The following UCN3 variants were observed in gnomAD, a reference collection of about 807,000 sequenced individuals.
The protein encoded by UCN3 is urocortin-3.
Under a neutral mutation model 3.6 loss-of-function variants are expected in UCN3, and 3 were observed. The ratio of observed to expected loss-of-function variants is 0.83; its 90% confidence interval spans 0.38 to 2.15. The LOEUF (loss-of-function observed/expected upper bound fraction) is 2.15. UCN3 is among the 30% of genes most tolerant of loss of function. The probability of loss-of-function intolerance (pLI) is 0.06; values close to 1 mark genes in which losing one functional copy is unlikely to be tolerated. For synonymous variants in UCN3, 100 were observed against 93.2 expected, an observed-to-expected ratio of 1.07 and a Z score of -0.42; for missense variants, 206 against 208.3, an observed-to-expected ratio of 0.99 and a Z score of 0.07.
In UCN3 at chr10:5,370,397, A is replaced by G. The variant is rs797034680; in HGVS notation, c.-6-3318A>G. On this transcript the variant is annotated intron_variant, in intron 1 of 1. Transcript: ENST00000380433. ...TATATGCGTGTATATGCGTGTGTAT[A>G]TGTGTGTGTATATGTGTGTGTGTAT... 9.5e-4 allele frequency among the ~76,000 whole-genome samples: 33 copies of G among 34,852 alleles called. 1 individual carries two copies. Among genetic ancestry groups the G allele is most frequent in the East Asian group, 5.6e-3 (4 of 716 alleles). The allele number at this position is 34,852 out of a possible 152,430, so 22.9% of individuals were successfully genotyped here.
chr10:5,367,327 G>A lies in UCN3; in HGVS notation c.-7+2097G>A, dbSNP rs1368159525. Among the ~76,000 whole-genome samples the A allele has an allele frequency of 6.6e-6, 1 of 152,150 alleles. No individual in the cohort carries two copies. The highest frequency in any genetic ancestry group is 1.5e-5 in the Non-Finnish European group (1 of 68,024). On this transcript the variant is annotated intron_variant, in intron 1 of 1. Coordinates refer to ENST00000380433, the MANE Select transcript of UCN3 (RefSeq NM_053049.4). The surrounding 1 kb of genome is among the most constrained non-coding windows in gnomAD (Gnocchi z 4.3). The stretch of plus-strand genomic sequence containing the variant: ...TTAAAAAACAAAACCAAAAAAGTAT[G>A]CCATATAAAAGATTTTTTCCTCTGT...
intron 1 of UCN3, among the ~76,000 whole-genome samples, chr10:5,368,257 GC>G (rs1238045842): frequency 6.6e-6 from 1 of 152,016 alleles, no homozygotes; most frequent in Non-Finnish European, 1.5e-5. Flanking sequence ...ACCTGCCTCG[GC>G]CCCCCAAAGT....
In UCN3 at chr10:5,365,934, TTGA is replaced by T. The variant is rs1420347459; in HGVS notation, c.-7+707_-7+709del. ...CTACCTGTGAAGGGGAGATGGATGT[TTGA>T]TGTTTATGTTTTCTGAAAATTCCTG... is the stretch of plus-strand genomic sequence containing the variant. On this transcript the variant is annotated intron_variant, in intron 1 of 1. Transcript: ENST00000380433. This position sits in a 1 kb window ranked among gnomAD's most constrained non-coding sequence, Gnocchi z 4.4. Among the ~76,000 whole-genome samples the T allele has an allele frequency of 2.6e-5, 4 of 152,176 alleles. No individual in the cohort carries two copies. Among genetic ancestry groups the T allele is most frequent in the African/African-American group, 9.7e-5 (4 of 41,430 alleles).
At chr10:5,369,231 A>T (rs782270253) in intron 1 of UCN3, among the ~76,000 whole-genome samples, 4 of 152,184 alleles carry the variant, frequency 2.6e-5, no homozygotes, top group Non-Finnish European at 4.4e-5. Flanking sequence ...GCTTGCTCAG[A>T]TTTCCTGGTC....
chr10:5,368,043 AC>A (rs1834132596), intron 1 of UCN3, among the ~76,000 whole-genome samples: 1 of 151,920 alleles, frequency 6.6e-6, no homozygotes, highest in Non-Finnish European at 1.5e-5. Flanking sequence ...TCACTCTTTC[AC>A]CCAGGATGGA....
intron 1 of UCN3, among the ~76,000 whole-genome samples, chr10:5,372,610 C>A (rs1554811649): frequency 1.3e-5 from 2 of 152,016 alleles, no homozygotes; most frequent in Admixed American, 6.6e-5. Flanking sequence ...GAGGCAGTGG[C>A]ACAATCACAG....
intron 1 of UCN3, among the ~76,000 whole-genome samples, chr10:5,370,068 TGTGTATATGC>T (rs1564442316): frequency 1.1e-4 from 12 of 111,440 alleles, no homozygotes; most frequent in East Asian, 6.4e-4. Context: ...TGTGTATATG[TGTGTATATGC>T]GTGTGTATAT....
intron 1 of UCN3, among the ~76,000 whole-genome samples, chr10:5,372,331 T>G (rs1831441048): frequency 6.6e-6 from 1 of 152,196 alleles, no homozygotes; most frequent in Non-Finnish European, 1.5e-5. Context: ...GCACAGCTGA[T>G]GCTGCTACTG....
rs1419900209 is a variant in UCN3, at chr10:5,370,323, GTATA to G, written c.-6-3390_-6-3387del. Among the ~76,000 whole-genome samples the G allele has an allele frequency of 2.1e-5, 2 of 93,856 alleles. 1 individual carries two copies. The highest frequency in any genetic ancestry group is 4.0e-5 in the Non-Finnish European group (2 of 49,824). The allele number at this position is 93,856 out of a possible 152,430, so 61.6% of individuals were successfully genotyped here. A position where few individuals can be genotyped will look rare whatever the true frequency, so the allele number is the denominator to read the frequency against. ...CGTGTGTATATGCGTGTATGTGTGT[GTATA>G]TGCGTGTGTATATGCGTGTGTATAT... On this transcript the variant is annotated intron_variant, in intron 1 of 1. Transcript: ENST00000380433.
chr10:5,370,697 A>ATG (rs145146672), intron 1 of UCN3, among the ~76,000 whole-genome samples: 1 of 77,608 alleles, frequency 1.3e-5, no homozygotes, highest in Non-Finnish European at 2.3e-5. Flanking sequence ...ATGTGTGTAT[A>ATG]TGTGTGTGTA....
Position 5,367,028 on chromosome 10 carries a change from A to T in UCN3, c.-7+1798A>T, listed in dbSNP as rs541207841. 2.0e-5 allele frequency among the ~76,000 whole-genome samples: 3 copies of T among 152,344 alleles called. No homozygotes were observed. In the South Asian group the frequency reaches 6.2e-4, roughly 32 times the overall value. ...AAAATAAGAAGGTAATGCATTTTTT[A>T]AAAGGCACAGTATTTACAAATTGAC... On this transcript the variant is annotated intron_variant, in intron 1 of 1. Coordinates refer to ENST00000380433, the MANE Select transcript of UCN3 (RefSeq NM_053049.4). This position sits in a 1 kb window ranked among gnomAD's most constrained non-coding sequence, Gnocchi z 4.3.
intron 1 of UCN3, among the ~76,000 whole-genome samples, chr10:5,370,871 GTGTGTGTATATGCGTGTGTATA>G (rs1831408380): frequency 1.5e-5 from 2 of 135,328 alleles, no homozygotes; most frequent in Non-Finnish European, 3.1e-5. Flanking sequence ...GCGTGTGTAT[GTGTGTGTATATGCGTGTGTATA>G]TGCGTGTGTA....
chr10:5,368,236 T>C (rs963619251), intron 1 of UCN3, among the ~76,000 whole-genome samples: 3 of 152,076 alleles, frequency 2.0e-5, no homozygotes, highest in Non-Finnish European at 4.4e-5. Context: ...ACTCCTGACC[T>C]CAGGTGATCC....
rs1834130615 is a variant in UCN3, at chr10:5,367,830, G to A, written c.-7+2600G>A. Among the ~76,000 whole-genome samples, 1 of 152,110 alleles carries A rather than the reference G, an allele frequency of 6.6e-6. No homozygotes were observed. Among genetic ancestry groups the A allele is most frequent in the South Asian group, 2.1e-4 (1 of 4,820 alleles). ...GGGTAAATGCAGAATGCTGCCCCGG[G>A]AAGGAAATAGAAAGGAGCAGGGAGG... On this transcript the variant is annotated intron_variant, in intron 1 of 1. Transcript: ENST00000380433. This position sits in a 1 kb window ranked among gnomAD's most constrained non-coding sequence, Gnocchi z 4.3.
At chr10:5,371,621 G>A (rs1224714900) in intron 1 of UCN3, among the ~76,000 whole-genome samples, 5 of 152,092 alleles carry the variant, frequency 3.3e-5, no homozygotes, top group East Asian at 1.9e-4. Context: ...AAATGGCCTC[G>A]TCAAGGCCAC....
Position 5,374,434 on chromosome 10 carries a change from C to A in UCN3, c.*228C>A. On this transcript the variant is annotated 3_prime_UTR_variant, in exon 2 of 2. Coordinates refer to ENST00000380433, the MANE Select transcript of UCN3 (RefSeq NM_053049.4). ...ACACAGAAGTGCAGTATTGTCCAAC[C>A]TTCCCAGACACAAAGCAGCTAACGT... 1.9e-6 allele frequency: 1 copy of A among 534,450 alleles called. No homozygotes were observed. The highest frequency in any genetic ancestry group is 3.3e-6 in the Non-Finnish European group (1 of 298,642). 33.1% of individuals were successfully genotyped at this position (534,450 alleles called of 1,614,324 possible).
In UCN3 at chr10:5,366,896, C is replaced by A. The variant is rs1477220985; in HGVS notation, c.-7+1666C>A. Among the ~76,000 whole-genome samples the A allele has an allele frequency of 2.6e-5, 4 of 152,182 alleles. No individual in the cohort carries two copies. The highest frequency in any genetic ancestry group is 6.5e-5 in the Admixed American group (1 of 15,278). On this transcript the variant is annotated intron_variant, in intron 1 of 1. Coordinates refer to ENST00000380433, the MANE Select transcript of UCN3 (RefSeq NM_053049.4). The surrounding 1 kb of genome is among the most constrained non-coding windows in gnomAD (Gnocchi z 4.2). ...ACCTGCAGATGCACCAAGAACAGAGCGCCACGCAGGACACTTGCTCCCTGA... is the reference window on the plus strand; with the variant it reads ...ACCTGCAGATGCACCAAGAACAGAGAGCCACGCAGGACACTTGCTCCCTGA...
In UCN3 at chr10:5,366,087, C is replaced by T. The variant is rs1159816036; in HGVS notation, c.-7+857C>T. The stretch of plus-strand genomic sequence containing the variant: ...AGTGTTTGCAGACAAACGGAGCCCA[C>T]AGGAATAGCTCTGCACTTGGCAGAG... On this transcript the variant is annotated intron_variant, in intron 1 of 1. Transcript: ENST00000380433. The surrounding 1 kb of genome is among the most constrained non-coding windows in gnomAD (Gnocchi z 4.2). Among the ~76,000 whole-genome samples the T allele has an allele frequency of 1.3e-5, 2 of 152,216 alleles. No homozygotes were observed. Among genetic ancestry groups the T allele is most frequent in the East Asian group, 3.8e-4 (2 of 5,198 alleles).
At chr10:5,373,338 G>C (rs1424364736) in intron 1 of UCN3, among the ~76,000 whole-genome samples, 2 of 152,206 alleles carry the variant, frequency 1.3e-5, no homozygotes, top group Non-Finnish European at 2.9e-5. Flanking sequence ...TAGGCTGCTA[G>C]GTGCTTACTT....
Sources: allele counts gnomAD v4.1 joint callset (sites outside exome capture counted in the v4.1 genomes callset), GRCh38; gene constraint gnomAD v4.1.1; non-coding constraint Gnocchi (gnomAD v3.1); transcripts MANE v1.5; gene names NCBI Gene and HGNC (gene_info 2026-07-23, HGNC 2026-07-21).